The following SIPA1L2 variants were observed in gnomAD, a reference collection of about 807,000 sequenced individuals.
The protein encoded by SIPA1L2 is signal-induced proliferation-associated 1-like protein 2.
SIPA1L2 carries 56 observed loss-of-function variants against 163.9 expected under a neutral mutation model. The ratio of observed to expected loss-of-function variants is 0.34; its 90% CI spans 0.28 to 0.43. The LOEUF (loss-of-function observed/expected upper bound fraction) is 0.43. Among genes scored for constraint, SIPA1L2 ranks in the 20% least tolerant of loss-of-function variants. The pLI is 1.00. For missense variants in SIPA1L2, 1,974 were observed against 2,193.5 expected (o/e 0.90, Z 2.00); for synonymous variants, 877 against 865.7 (o/e 1.01, Z -0.23).
chr1:232,561,793 C>T (rs1310681683), intron 2 of SIPA1L2, among the ~76,000 whole-genome samples: 2 of 152,192 alleles, frequency 1.3e-5, no homozygotes, highest in Non-Finnish European at 2.9e-5. Flanking sequence ...CCAGCCCCAG[C>T]TTATACCTAC....
chr1:232,438,551 T>C (rs1050903267), intron 15 of SIPA1L2, among the ~76,000 whole-genome samples: 2 of 152,238 alleles, frequency 1.3e-5, no homozygotes, highest in African/African-American at 4.8e-5. Flanking sequence ...TTACAGTACT[T>C]AGAATCCAGT....
rs16857066 is a variant in SIPA1L2, at chr1:232,429,806, C to A, written c.4257-1242G>T. Among the ~76,000 whole-genome samples the A allele has an allele frequency of 6.6e-5, 10 of 152,214 alleles. No homozygotes were observed. The East Asian group carries it at 1.2e-3, about 18-fold the overall frequency. On this transcript the variant is annotated intron_variant, in intron 16 of 22. Transcript: ENST00000674635. Reference sequence around the variant, plus strand: ...CTGCATCCAAGAAGCGCCCAACATTCGATCCTGAGGTGAGTTAGGTGGTGC... The same window carrying A: ...CTGCATCCAAGAAGCGCCCAACATTAGATCCTGAGGTGAGTTAGGTGGTGC...
chr1:232,614,769 C>CATGGTTTCCA (rs1662417796), intron 1 of SIPA1L2, among the ~76,000 whole-genome samples: 1 of 152,188 alleles, frequency 6.6e-6, no homozygotes, highest in Non-Finnish European at 1.5e-5. Flanking sequence ...AACCATTTAG[C>CATGGTTTCCA]CTTTCCATCT....
intron 2 of SIPA1L2, among the ~76,000 whole-genome samples, chr1:232,570,935 C>A: frequency 7.1e-6 from 1 of 140,472 alleles, no homozygotes. Context: ...GAGAATCAGG[C>A]CAGAAACTAT....
rs1452568932 is a variant in SIPA1L2 at position 232,425,577 on chromosome 1, C to T, written c.4630+12G>A. 4.5e-6 allele frequency: 7 copies of T among 1,553,808 alleles called. No individual in the cohort carries two copies. The highest frequency in any genetic ancestry group is 6.1e-6 in the Non-Finnish European group (7 of 1,144,860). ...TCGGCGCTGGCCAGGGAGCAGCCAG[C>T]CCCTCACTTACTTCTCAGGCTCCCC... On this transcript the variant is annotated intron_variant, in intron 18 of 22. Coordinates refer to ENST00000674635, the MANE Select transcript of SIPA1L2 (RefSeq NM_020808.5).
chr1:232,491,145 C>G, intron 4 of SIPA1L2, 83 bp from the exon 5 acceptor site: 3 of 1,269,048 alleles, frequency 2.4e-6, no homozygotes, highest in Non-Finnish European at 3.3e-6. Flanking sequence ...TGCCTTAAGA[C>G]AGGAAAAAGA....
At chr1:232,621,350 C>T (rs1662799524) in intron 1 of SIPA1L2, among the ~76,000 whole-genome samples, 1 of 151,654 alleles carries the variant, frequency 6.6e-6, no homozygotes, top group South Asian at 2.1e-4. Context: ...ATGCACACAC[C>T]TTCTTTAGTT....
intron 16 of SIPA1L2, 49 bp from the exon 17 acceptor site, chr1:232,428,613 G>A: frequency 1.4e-6 from 2 of 1,388,038 alleles, no homozygotes; most frequent in Non-Finnish European, 1.9e-6. Flanking sequence ...TAAAGTGCCT[G>A]TAGTGGTAAG....
At chr1:232,459,250 G>T (rs1025623900) in intron 10 of SIPA1L2, among the ~76,000 whole-genome samples, 21 of 152,156 alleles carry the variant, frequency 1.4e-4, no homozygotes, top group African/African-American at 4.8e-4. Context: ...GGAAAAATTC[G>T]TTTCCTAAGT....
intron 19 of SIPA1L2, among the ~76,000 whole-genome samples, chr1:232,407,611 A>T (rs938157802): frequency 6.6e-6 from 1 of 152,154 alleles, no homozygotes; most frequent in Admixed American, 6.5e-5. Context: ...TTTCACATTG[A>T]TATTTGCACA....
intron 5 of SIPA1L2, among the ~76,000 whole-genome samples, chr1:232,489,756 A>G (rs989139553): frequency 2.0e-5 from 3 of 152,248 alleles, no homozygotes; most frequent in Admixed American, 2.0e-4. Flanking sequence ...TTCTAAAAAT[A>G]TACATTGTCA....
intron 12 of SIPA1L2, among the ~76,000 whole-genome samples, chr1:232,443,230 A>T (rs1382540436): frequency 6.6e-6 from 1 of 152,042 alleles, no homozygotes; most frequent in Non-Finnish European, 1.5e-5. Flanking sequence ...TGCTGGGGCA[A>T]CCTCCCAGTA....
rs73099518 is a variant in SIPA1L2, at chr1:232,607,187, A to T, written c.-319+22682T>A. Among the ~76,000 whole-genome samples the T allele has an allele frequency of 8.8e-3, 1,225 of 138,782 alleles. 18 individuals are homozygous for T. Among genetic ancestry groups the T allele is most frequent in the African/African-American group, 0.027 (1,103 of 40,136 alleles). 91.0% of individuals were successfully genotyped at this position (138,782 alleles called of 152,430 possible). A position where few individuals can be genotyped will look rare whatever the true frequency, so the allele number is the denominator to read the frequency against. On this transcript the variant is annotated intron_variant, in intron 1 of 22. Transcript: ENST00000674635. ...TGCAAAAAGAAAATGATAATTACAC[A>T]TAACACAACCACAAGTAATAACCAT...
At chr1:232,419,958 C>T (rs1441954248) in intron 18 of SIPA1L2, among the ~76,000 whole-genome samples, 1 of 152,104 alleles carries the variant, frequency 6.6e-6, no homozygotes, top group Non-Finnish European at 1.5e-5. Flanking sequence ...AAGTTCTATC[C>T]TTCAAAGAGC....
intron 2 of SIPA1L2, among the ~76,000 whole-genome samples, chr1:232,516,454 T>G (rs1251156235): frequency 6.6e-6 from 1 of 152,214 alleles, no homozygotes; most frequent in Non-Finnish European, 1.5e-5. Flanking sequence ...GAGAATTAGG[T>G]AAGATGCAGT....
chr1:232,507,280 G>C (rs533358637), intron 3 of SIPA1L2, among the ~76,000 whole-genome samples: 1 of 151,184 alleles, frequency 6.6e-6, no homozygotes, highest in Non-Finnish European at 1.5e-5. Context: ...TTTTTCTAAT[G>C]TTTTCCCCTA....
chr1:232,471,219 GGAA>G, intron 8 of SIPA1L2, 149 bp downstream of exon 8: 1 of 804,158 alleles, frequency 1.2e-6, no homozygotes, highest in South Asian at 1.8e-5. Flanking sequence ...GGATAAAATG[GGAA>G]GAAGGCAATT....
chr1:232,547,277 G>C (rs1658083127), intron 2 of SIPA1L2, among the ~76,000 whole-genome samples: 1 of 152,014 alleles, frequency 6.6e-6, no homozygotes, highest in East Asian at 1.9e-4. Flanking sequence ...ACACAGCTGG[G>C]ATAAGTAACA....
At chr1:232,442,552 G>GAAAAAAAAAAAA (rs59025710) in intron 12 of SIPA1L2, among the ~76,000 whole-genome samples, 75 of 74,708 alleles carry the variant, frequency 1.0e-3, no homozygotes, top group African/African-American at 3.4e-3. Flanking sequence ...CATCTCAAAA[G>GAAAAAAAAAAAA]AAAAAAAAAA....
Sources: gnomAD v4.1 joint callset for allele counts (sites outside exome capture counted in the v4.1 genomes callset) on GRCh38, gnomAD v4.1.1 for gene constraint, MANE v1.5 for transcripts, NCBI Gene and HGNC (gene_info 2026-07-23, HGNC 2026-07-21) for gene names.